The following DLG2 variants were observed in gnomAD, a reference collection of about 807,000 sequenced individuals.
DLG2 encodes disks large homolog 2.
DLG2 carries 45 observed loss-of-function variants against 132.5 expected under a neutral mutation model. That is an observed-to-expected ratio of 0.34 (90% CI 0.27 to 0.44). The LOEUF (loss-of-function observed/expected upper bound fraction) is 0.44. DLG2 is among the 20% of genes least tolerant of loss of function. The pLI, the probability that DLG2 is intolerant of heterozygous loss-of-function variation, is 1.00. For missense variants in DLG2, 1,045 were observed against 1,196.9 expected (o/e 0.87, Z 1.87); for synonymous variants, 424 against 419.6 (o/e 1.01, Z -0.13).
intron 7 of DLG2, among the ~76,000 whole-genome samples, chr11:84,386,946 C>G (rs2098773105): frequency 6.6e-6 from 1 of 152,072 alleles, no homozygotes; most frequent in African/African-American, 2.4e-5. Flanking sequence ...TTTACAGACT[C>G]TTGATTATAT....
intron 6 of DLG2, among the ~76,000 whole-genome samples, chr11:84,621,270 A>G (rs951513701): frequency 1.3e-5 from 2 of 152,198 alleles, no homozygotes; most frequent in African/African-American, 4.8e-5. Context: ...TCTTTATAAA[A>G]AAATTCAATG....
intron 18 of DLG2, among the ~76,000 whole-genome samples, chr11:83,739,182 G>A (rs1199542401): frequency 6.6e-6 from 1 of 151,958 alleles, no homozygotes; most frequent in Non-Finnish European, 1.5e-5. Context: ...CACCACTGAT[G>A]GGTTAAGATA....
At chr11:84,096,823 G>C (rs2097171593) in intron 10 of DLG2, among the ~76,000 whole-genome samples, 1 of 151,548 alleles carries the variant, frequency 6.6e-6, no homozygotes, top group Non-Finnish European at 1.5e-5. Context: ...AGTTAATTCA[G>C]CTTAAAAATT....
chr11:85,483,623 T>G (rs1167881287), intron 3 of DLG2, among the ~76,000 whole-genome samples: 2 of 152,018 alleles, frequency 1.3e-5, no homozygotes, highest in African/African-American at 4.8e-5. Flanking sequence ...ACTTATAACT[T>G]TAGTATGAAG....
intron 6 of DLG2, among the ~76,000 whole-genome samples, chr11:85,036,753 C>T (rs1386602025): frequency 6.6e-6 from 1 of 152,160 alleles, no homozygotes; most frequent in Non-Finnish European, 1.5e-5. Context: ...TTGATCTTTA[C>T]ATGGCTTATA....
chr11:83,532,715 G>A lies in DLG2; in HGVS notation c.2186C>T (p.Ser729Leu), dbSNP rs573934462. Residue 729 changes from serine (S) to leucine (L), a missense_variant, in exon 21 of 28, where the codon TCG becomes TTG. Around this residue, in one of 4 missense-constraint regions of DLG2, gnomAD observed 398 missense variants for 543.6 expected, o/e 0.73. Transcript: ENST00000376104. ...KFNAKPGVID[S>L]KGSFNDKRKK... ...CCATCATTTTGTACCTACCCCTTTC[G>A]AATCAATCACTCCAGGTTTGGCATT... 32 of 1,612,866 alleles carry A rather than the reference G, an allele frequency of 2.0e-5. No homozygotes were observed. Among genetic ancestry groups the A allele is most frequent in the East Asian group, 4.5e-5 (2 of 44,822 alleles).
At chr11:84,551,399 T>A (rs1246442213) in intron 6 of DLG2, among the ~76,000 whole-genome samples, 1 of 152,216 alleles carries the variant, frequency 6.6e-6, no homozygotes, top group Non-Finnish European at 1.5e-5. Flanking sequence ...AAGCCCCAAA[T>A]CAAGAAAACC....
intron 18 of DLG2, among the ~76,000 whole-genome samples, chr11:83,740,774 A>G (rs564331367): frequency 1.1e-3 from 160 of 152,324 alleles, no homozygotes; most frequent in Admixed American, 1.8e-3. Context: ...TGGAGGGAGC[A>G]CTGTGAAGAA....
intron 7 of DLG2, among the ~76,000 whole-genome samples, chr11:84,414,801 A>G (rs909213932): frequency 3.9e-5 from 6 of 152,186 alleles, no homozygotes; most frequent in African/African-American, 1.4e-4. Flanking sequence ...TAATTATGGA[A>G]TGATGTTTAA....
chr11:85,092,734 C>T (rs2068999016), intron 6 of DLG2, among the ~76,000 whole-genome samples: 2 of 151,704 alleles, frequency 1.3e-5, no homozygotes, highest in Admixed American at 1.3e-4. Flanking sequence ...CCTCTGCCTC[C>T]TGGGTTCAAG....
At chr11:85,230,686 T>C (rs1020340011) in intron 4 of DLG2, among the ~76,000 whole-genome samples, 19 of 151,928 alleles carry the variant, frequency 1.3e-4, no homozygotes, top group Admixed American at 9.9e-4. Flanking sequence ...TTATGATTGA[T>C]GTTCATTAAG....
intron 6 of DLG2, among the ~76,000 whole-genome samples, chr11:84,860,150 C>A (rs1422423573): frequency 6.6e-6 from 1 of 152,130 alleles, no homozygotes; most frequent in Non-Finnish European, 1.5e-5. Context: ...TAAATTTCAA[C>A]CTCTTCGACT....
At position 83,502,177 on chromosome 11, in the gene DLG2, A is replaced by G. The variant is rs145783766; in HGVS notation, c.2194-17949T>C. 5.5e-4 allele frequency among the ~76,000 whole-genome samples: 84 copies of G among 152,312 alleles called. 1 individual carries two copies. The East Asian group carries it at 0.012, about 22-fold the overall frequency. On this transcript the variant is annotated intron_variant, in intron 21 of 27. Transcript: ENST00000376104. ...TATCAAGTCCTATTAAGTGGCTACA[A>G]ATAGTGTTCACAACTTATACATAAG...
At chr11:84,751,135 A>G (rs1003400065) in intron 6 of DLG2, among the ~76,000 whole-genome samples, 12 of 152,182 alleles carry the variant, frequency 7.9e-5, no homozygotes, top group Admixed American at 7.2e-4. Flanking sequence ...CGACTCTTAT[A>G]TCAAAATTGC....
intron 4 of DLG2, among the ~76,000 whole-genome samples, chr11:85,246,560 C>A (rs2076144606): frequency 6.6e-6 from 1 of 150,774 alleles, no homozygotes; most frequent in African/African-American, 2.4e-5. Context: ...CTCCCTCCAG[C>A]CACACACACA....
intron 6 of DLG2, among the ~76,000 whole-genome samples, chr11:85,103,177 A>G (rs80206658): frequency 0.014 from 2,071 of 152,138 alleles, 46 homozygotes; most frequent in African/African-American, 0.046. Flanking sequence ...GATAAACAGC[A>G]ATATTCCTCA....
chr11:83,684,802 C>G (rs1025485875), intron 18 of DLG2, among the ~76,000 whole-genome samples: 8 of 152,116 alleles, frequency 5.3e-5, no homozygotes, highest in African/African-American at 7.2e-5. Context: ...CCCCTGCTAC[C>G]TGGCTATACC....
chr11:84,008,142 A>G (rs2094671252), intron 11 of DLG2, among the ~76,000 whole-genome samples: 1 of 151,760 alleles, frequency 6.6e-6, no homozygotes, highest in Non-Finnish European at 1.5e-5. Context: ...TATTTCTCAA[A>G]CTCTCTTAAA....
intron 10 of DLG2, among the ~76,000 whole-genome samples, chr11:84,078,289 C>T (rs910261535): frequency 6.6e-6 from 1 of 152,072 alleles, no homozygotes; most frequent in African/African-American, 2.4e-5. Flanking sequence ...TGAATTCCTT[C>T]CAAGTTATAT....
Sources: allele counts gnomAD v4.1 joint callset (sites outside exome capture counted in the v4.1 genomes callset), GRCh38; gene constraint gnomAD v4.1.1; regional missense constraint gnomAD v4.1.1; transcripts MANE v1.5; gene names NCBI Gene and HGNC (gene_info 2026-07-23, HGNC 2026-07-21).